Variants in KAZN observed in about 807,000 individuals in gnomAD.
KAZN encodes kazrin.
Under a neutral mutation model 87.4 loss-of-function variants are expected in KAZN, and 40 were observed. That is an observed-to-expected ratio of 0.46 (90% CI 0.36 to 0.60). The LOEUF (loss-of-function observed/expected upper bound fraction) is 0.60, where lower values mean the gene tolerates loss of function less well. KAZN is among the 20% of genes least tolerant of loss of function. The probability of loss-of-function intolerance (pLI) is 0.00; values close to 1 mark genes in which losing one functional copy is unlikely to be tolerated. For missense variants in KAZN, 898 were observed against 1,073.9 expected (o/e 0.84, Z 2.29); for synonymous variants, 466 against 458.3 (o/e 1.02, Z -0.22).
intron 1 of KAZN, among the ~76,000 whole-genome samples, chr1:14,093,281 A>AC (rs1344233524): frequency 2.0e-5 from 3 of 152,072 alleles, no homozygotes; most frequent in Non-Finnish European, 2.9e-5. Context: ...AGCTCCTTAG[A>AC]CCCATGGCTG....
At chr1:14,612,358 G>T (rs1363128807) in intron 1 of KAZN, among the ~76,000 whole-genome samples, 1 of 152,204 alleles carries the variant, frequency 6.6e-6, no homozygotes, top group Non-Finnish European at 1.5e-5. Context: ...GACTTCAAAA[G>T]AACTGAGAAG....
intron 1 of KAZN, among the ~76,000 whole-genome samples, chr1:14,957,917 C>G (rs1005162508): frequency 1.3e-5 from 2 of 152,210 alleles, no homozygotes; most frequent in African/African-American, 4.8e-5. Flanking sequence ...TTAGGAGGAG[C>G]TGGGAGGGCA....
At chr1:14,603,671 A>C (rs925063834) in intron 1 of KAZN, among the ~76,000 whole-genome samples, 1 of 152,174 alleles carries the variant, frequency 6.6e-6, no homozygotes, top group Non-Finnish European at 1.5e-5. Context: ...GACCTGACTC[A>C]TCTAACAGGA....
intron 2 of KAZN, among the ~76,000 whole-genome samples, chr1:14,253,828 T>A (rs897381948): frequency 6.6e-6 from 1 of 152,010 alleles, no homozygotes; most frequent in Non-Finnish European, 1.5e-5. Flanking sequence ...CATAGAGCCC[T>A]CCCCGGCCAG....
chr1:14,943,893 G>A (rs1291233283), intron 1 of KAZN, among the ~76,000 whole-genome samples: 1 of 152,150 alleles, frequency 6.6e-6, no homozygotes. Flanking sequence ...CCAACATGGT[G>A]AAACCCTGTC....
chr1:14,576,326 A>T (rs549977841), intron 2 of KAZN, among the ~76,000 whole-genome samples: 16 of 151,852 alleles, frequency 1.1e-4, no homozygotes, highest in Admixed American at 9.8e-4. Context: ...GGATGGATGG[A>T]TGGATGGACG....
intron 2 of KAZN, among the ~76,000 whole-genome samples, chr1:14,487,014 T>C (rs1278981855): frequency 6.6e-6 from 1 of 152,226 alleles, no homozygotes; most frequent in African/African-American, 2.4e-5. Context: ...AGCTATTTTT[T>C]GGTAGGGCTG....
chr1:14,839,288 C>G (rs549148883), intron 1 of KAZN, among the ~76,000 whole-genome samples: 96 of 152,148 alleles, frequency 6.3e-4, no homozygotes, highest in Non-Finnish European at 1.1e-3. Flanking sequence ...AGACTCTAGA[C>G]AAGTCCCCCT....
Position 15,063,640 on chromosome 1 carries a change from G to GGCCACTTGAACCCTCCCTC in KAZN, c.1098+19_1098+37dup. ...TTGTACAGGTAGGTGTGCCCTCCCT[G>GGCCACTTGAACCCTCCCTC]GCCACTTGAACCCTCCCTCCACCCC... is the stretch of plus-strand genomic sequence containing the variant. On this transcript the variant is annotated intron_variant, in intron 7 of 14. Transcript: ENST00000376030. The GGCCACTTGAACCCTCCCTC allele has an allele frequency of 6.2e-7, 1 of 1,606,916 alleles. No homozygotes were observed. The highest frequency in any genetic ancestry group is 1.3e-5 in the African/African-American group (1 of 74,680).
chr1:14,013,853 T>A (rs889922095), intron 1 of KAZN, among the ~76,000 whole-genome samples: 2 of 152,184 alleles, frequency 1.3e-5, no homozygotes, highest in Non-Finnish European at 2.9e-5. Flanking sequence ...AACAGATTCC[T>A]TGGAAGCCTC....
chr1:14,296,196 G>T (rs1477095212), intron 2 of KAZN, among the ~76,000 whole-genome samples: 3 of 152,188 alleles, frequency 2.0e-5, no homozygotes, highest in Non-Finnish European at 4.4e-5. Flanking sequence ...AATGGTAGCT[G>T]CTACTACTGT....
At chr1:14,676,635 T>C (rs1462133279) in intron 1 of KAZN, among the ~76,000 whole-genome samples, 1 of 152,180 alleles carries the variant, frequency 6.6e-6, no homozygotes, top group African/African-American at 2.4e-5. Flanking sequence ...AATGAAGCAG[T>C]GATTCATGCC....
intron 1 of KAZN, among the ~76,000 whole-genome samples, chr1:14,767,339 T>C (rs890576773): frequency 2.6e-5 from 4 of 152,204 alleles, no homozygotes; most frequent in East Asian, 1.9e-4. Flanking sequence ...GGGGCTCCTC[T>C]GCAAATCCAC....
intron 1 of KAZN, among the ~76,000 whole-genome samples, chr1:14,128,326 AGTTTGCTAAGAGGGAGTCATGCTG>A (rs1644917507): frequency 3.1e-5 from 1 of 32,048 alleles, no homozygotes; most frequent in African/African-American, 2.5e-4. Flanking sequence ...ATGCTGTGTT[AGTTTGCTAAGAGGGAGTCATGCTG>A]TGTTAGTTTG....
At chr1:14,749,043 C>T (rs1488081250) in intron 1 of KAZN, among the ~76,000 whole-genome samples, 1 of 152,194 alleles carries the variant, frequency 6.6e-6, no homozygotes, top group Non-Finnish European at 1.5e-5. Context: ...TGCTGTTCTG[C>T]CACAGGCAAG....
intron 1 of KAZN, among the ~76,000 whole-genome samples, chr1:13,982,396 G>C (rs551713737): frequency 6.6e-6 from 1 of 152,218 alleles, no homozygotes. Context: ...TGGTGGGTTC[G>C]TGGTCTAGCT....
chr1:14,600,845 G>A (rs1003619182), intron 1 of KAZN, among the ~76,000 whole-genome samples: 13 of 152,266 alleles, frequency 8.5e-5, no homozygotes, highest in African/African-American at 1.2e-4. Flanking sequence ...CCCTTTCTCC[G>A]CGAAGGAAAA....
chr1:14,067,639 C>T lies in KAZN; in HGVS notation c.92-112796C>T, dbSNP rs370750976. Among the ~76,000 whole-genome samples, 32 of 152,328 alleles carry T rather than the reference C, an allele frequency of 2.1e-4. 1 individual carries two copies. Among genetic ancestry groups the T allele is most frequent in the African/African-American group, 7.2e-4 (30 of 41,568 alleles). ...TCTTCCACCCTTCTGTCTGTCCCCC[C>T]CCATACTGCTTCCTGGGTTAGTCCC... On this transcript the variant is annotated intron_variant, in intron 1 of 16. Transcript: ENST00000636203.
chr1:14,103,912 G>A (rs2101651981), intron 1 of KAZN, among the ~76,000 whole-genome samples: 1 of 152,288 alleles, frequency 6.6e-6, no homozygotes, highest in East Asian at 1.9e-4. Context: ...GATCAACACA[G>A]ATAATTTCTC....
Sources: gnomAD v4.1 joint callset for allele counts (sites outside exome capture counted in the v4.1 genomes callset) on GRCh38, gnomAD v4.1.1 for gene constraint, MANE v1.5 for transcripts, NCBI Gene and HGNC (gene_info 2026-07-23, HGNC 2026-07-21) for gene names.